FHIT: variants seen among roughly 807,000 people sequenced by gnomAD.
The protein encoded by FHIT is bis(5'-adenosyl)-triphosphatase.
Under a neutral mutation model 17.9 loss-of-function variants are expected in FHIT, and 19 were observed. That is an observed-to-expected ratio of 1.06 (90% CI 0.74 to 1.56). The LOEUF is 1.56. Among genes scored for constraint, FHIT ranks in the 40% most tolerant of loss-of-function variants. The probability of loss-of-function intolerance (pLI) is 0.00; values close to 1 mark genes in which losing one functional copy is unlikely to be tolerated. For synonymous variants in FHIT, 81 were observed against 69.7 expected, an observed-to-expected ratio of 1.16 and a Z score of -0.81; for missense variants, 248 against 189.2, an observed-to-expected ratio of 1.31 and a Z score of -1.82.
At chr3:60,145,198 C>A (rs1470572814) in intron 5 of FHIT, among the ~76,000 whole-genome samples, 2 of 152,138 alleles carry the variant, frequency 1.3e-5, no homozygotes, top group African/African-American at 4.8e-5. Context: ...AAATAATACA[C>A]AGACCTCGGT....
At chr3:59,908,294 T>C (rs1559719849) in intron 8 of FHIT, among the ~76,000 whole-genome samples, 1 of 152,218 alleles carries the variant, frequency 6.6e-6, no homozygotes, top group African/African-American at 2.4e-5. Context: ...TGAAGGACTA[T>C]AGCAGCAACA....
intron 7 of FHIT, among the ~76,000 whole-genome samples, chr3:59,982,923 C>G (rs6805337): frequency 0.44 from 66,346 of 151,832 alleles, 15,419 homozygotes; most frequent in Middle Eastern, 0.54. Flanking sequence ...AGATGAAGTC[C>G]TATGCATCGT....
intron 4 of FHIT, among the ~76,000 whole-genome samples, chr3:60,817,041 T>C (rs1701764734): frequency 6.6e-6 from 1 of 152,000 alleles, no homozygotes; most frequent in Admixed American, 6.6e-5. Context: ...TTTTCAGTGG[T>C]TTTTCTAGGA....
chr3:61,051,272 T>C (rs1055894710), intron 2 of FHIT, among the ~76,000 whole-genome samples: 1 of 151,974 alleles, frequency 6.6e-6, no homozygotes, highest in African/African-American at 2.4e-5. Flanking sequence ...TGTTTGTTTG[T>C]TTGTTTGTTT....
chr3:60,037,997 A>G lies in FHIT; in HGVS notation c.104-23845T>C, dbSNP rs563382423. ...CCAAAGTGTTGGGATTACAGGTGTG[A>G]GGCACTGTACCTTGCCTCAGAGCTA... On this transcript the variant is annotated intron_variant, in intron 5 of 9. Transcript: ENST00000492590. 2.0e-5 allele frequency among the ~76,000 whole-genome samples: 3 copies of G among 152,168 alleles called. No homozygotes were observed. In the South Asian group the frequency reaches 6.2e-4, roughly 32 times the overall value.
intron 3 of FHIT, among the ~76,000 whole-genome samples, chr3:60,923,451 T>G (rs1284678465): frequency 6.6e-6 from 1 of 152,344 alleles, no homozygotes; most frequent in East Asian, 1.9e-4. Context: ...GCATTTTAAA[T>G]AGTGACCAGA....
intron 7 of FHIT, among the ~76,000 whole-genome samples, chr3:60,005,924 C>G (rs1699906326): frequency 6.6e-6 from 1 of 152,144 alleles, no homozygotes; most frequent in South Asian, 2.1e-4. Context: ...CAGCAGCCCC[C>G]TACAAGTGCT....
chr3:60,965,556 C>A (rs1553782973), intron 3 of FHIT, among the ~76,000 whole-genome samples: 1 of 152,136 alleles, frequency 6.6e-6, no homozygotes, highest in Non-Finnish European at 1.5e-5. Context: ...TGGTTTCTCC[C>A]CATCTTTGTG....
chr3:60,383,450 T>C (rs1048987601), intron 5 of FHIT, among the ~76,000 whole-genome samples: 3 of 152,072 alleles, frequency 2.0e-5, no homozygotes, highest in Non-Finnish European at 2.9e-5. Context: ...GTTCTCATAA[T>C]TGGAGGTGAG....
chr3:60,686,672 T>A (rs1256303555), intron 4 of FHIT, among the ~76,000 whole-genome samples: 1 of 152,150 alleles, frequency 6.6e-6, no homozygotes, highest in Admixed American at 6.5e-5. Context: ...TGAGCAGAAT[T>A]TACACCAAAA....
At chr3:59,913,291 A>G (rs1704972414) in intron 8 of FHIT, among the ~76,000 whole-genome samples, 1 of 152,174 alleles carries the variant, frequency 6.6e-6, no homozygotes, top group Non-Finnish European at 1.5e-5. Context: ...CCCAGTGTCT[A>G]AGAAAATCGC....
At chr3:60,010,380 C>T (rs544795531) in intron 7 of FHIT, among the ~76,000 whole-genome samples, 37 of 152,298 alleles carry the variant, frequency 2.4e-4, no homozygotes, top group Non-Finnish European at 4.6e-4. Flanking sequence ...GCAGTCCCTA[C>T]ATAAACTTTC....
At chr3:61,115,268 A>G (rs2036268070) in intron 2 of FHIT, among the ~76,000 whole-genome samples, 1 of 152,192 alleles carries the variant, frequency 6.6e-6, no homozygotes, top group Non-Finnish European at 1.5e-5. Context: ...CCATCCTTGG[A>G]CTGGAAGAGA....
intron 5 of FHIT, among the ~76,000 whole-genome samples, chr3:60,442,964 A>C (rs556812218): frequency 0.021 from 3,242 of 152,156 alleles, 49 homozygotes; most frequent in Middle Eastern, 0.037. Flanking sequence ...AGTGGTGTGT[A>C]GTTCTCCTTG....
intron 8 of FHIT, among the ~76,000 whole-genome samples, chr3:59,828,266 A>G (rs1330761755): frequency 6.6e-6 from 1 of 152,246 alleles, no homozygotes; most frequent in East Asian, 1.9e-4. Context: ...ACAAAGAGAA[A>G]GCAGTAAAAC....
chr3:60,777,281 G>A (rs1394959474), intron 4 of FHIT, among the ~76,000 whole-genome samples: 1 of 152,194 alleles, frequency 6.6e-6, no homozygotes, highest in African/African-American at 2.4e-5. Context: ...TATATTTTAG[G>A]AAAGCATGAG....
intron 5 of FHIT, among the ~76,000 whole-genome samples, chr3:60,099,460 C>G (rs1056579117): frequency 1.3e-5 from 2 of 152,146 alleles, no homozygotes; most frequent in African/African-American, 4.8e-5. Context: ...GGTCACTCAG[C>G]TGGGATTCTG....
intron 5 of FHIT, among the ~76,000 whole-genome samples, chr3:60,262,490 G>A (rs1325978643): frequency 2.0e-5 from 3 of 151,948 alleles, no homozygotes; most frequent in Admixed American, 6.6e-5. Context: ...GGCTGCTGAA[G>A]AGAACTACCC....
At chr3:60,549,562 A>G (rs1002739728) in intron 4 of FHIT, among the ~76,000 whole-genome samples, 12 of 152,216 alleles carry the variant, frequency 7.9e-5, no homozygotes, top group Admixed American at 2.0e-4. Context: ...AATGTAGCCA[A>G]TAGTTGATAT....
Sources: gnomAD v4.1 joint callset for allele counts (sites outside exome capture counted in the v4.1 genomes callset) on GRCh38, gnomAD v4.1.1 for gene constraint, MANE v1.5 for transcripts, NCBI Gene and HGNC (gene_info 2026-07-23, HGNC 2026-07-21) for gene names.